DPP10: variants seen among roughly 807,000 people sequenced by gnomAD.
The protein encoded by DPP10 is inactive dipeptidyl peptidase 10.
DPP10 carries 33 observed loss-of-function variants against 120.9 expected under a neutral mutation model. That is an observed-to-expected ratio of 0.27 (90% CI 0.21 to 0.37). The LOEUF is 0.37. DPP10 is among the 10% of genes least tolerant of loss of function. The probability of loss-of-function intolerance (pLI) is 1.00; values close to 1 mark genes in which losing one functional copy is unlikely to be tolerated. For missense variants in DPP10, 816 were observed against 942.8 expected, an observed-to-expected ratio of 0.87 and a Z score of 1.76; for synonymous variants, 337 against 326.1, an observed-to-expected ratio of 1.03 and a Z score of -0.36.
chr2:115,753,445 T>A (rs991980700), intron 11 of DPP10, 148 bp downstream of exon 11: 1 of 690,130 alleles, frequency 1.4e-6, no homozygotes, highest in African/African-American at 1.8e-5. Context: ...TAAGAATATA[T>A]ACTTTAATTT....
chr2:115,761,488 A>G (rs899329130), intron 11 of DPP10, among the ~76,000 whole-genome samples: 1 of 152,176 alleles, frequency 6.6e-6, no homozygotes, highest in Non-Finnish European at 1.5e-5. Context: ...TAATTGAAAT[A>G]ATGAGACAAA....
At chr2:115,245,689 A>G (rs940412436) in intron 1 of DPP10, among the ~76,000 whole-genome samples, 1 of 152,138 alleles carries the variant, frequency 6.6e-6, no homozygotes, top group Non-Finnish European at 1.5e-5. Flanking sequence ...ATGCATGTTT[A>G]TACCATTGCT....
intron 5 of DPP10, among the ~76,000 whole-genome samples, chr2:115,540,082 A>C (rs1021741809): frequency 6.6e-6 from 1 of 151,920 alleles, no homozygotes; most frequent in Admixed American, 6.6e-5. Context: ...AGGAAAGAAG[A>C]AATGTAGAAT....
chr2:114,602,399 A>G (rs1047868191), intron 1 of DPP10, among the ~76,000 whole-genome samples: 1 of 151,872 alleles, frequency 6.6e-6, no homozygotes, highest in African/African-American at 2.4e-5. Flanking sequence ...CTTAGAAACT[A>G]AGCTCTTTCC....
chr2:115,722,962 G>C (rs191088664), intron 7 of DPP10, among the ~76,000 whole-genome samples: 1 of 152,126 alleles, frequency 6.6e-6, no homozygotes, highest in Non-Finnish European at 1.5e-5. Context: ...AGGACCCCGG[G>C]CTTACACTCC....
chr2:114,882,251 C>A (rs992677607), intron 1 of DPP10, among the ~76,000 whole-genome samples: 10 of 151,830 alleles, frequency 6.6e-5, no homozygotes, highest in African/African-American at 1.7e-4. Flanking sequence ...AATATGGAAC[C>A]AAATTGAATG....
intron 1 of DPP10, among the ~76,000 whole-genome samples, chr2:115,082,741 A>G (rs561167882): frequency 2.6e-5 from 4 of 152,310 alleles, no homozygotes; most frequent in East Asian, 1.9e-4. Flanking sequence ...CTACAGATGC[A>G]TGAGCAATCT....
intron 1 of DPP10, among the ~76,000 whole-genome samples, chr2:115,075,760 C>T (rs1422388275): frequency 5.3e-5 from 8 of 150,962 alleles, no homozygotes; most frequent in Non-Finnish European, 1.5e-5. Flanking sequence ...TGAGAAAACA[C>T]CTGCTTTTTA....
At chr2:114,499,233 G>A (rs533415930) in intron 1 of DPP10, among the ~76,000 whole-genome samples, 2 of 152,110 alleles carry the variant, frequency 1.3e-5, no homozygotes, top group Non-Finnish European at 2.9e-5. Context: ...GCTTAGATAT[G>A]AGACACCAGG....
At chr2:115,712,330 C>T (rs1190548225) in intron 7 of DPP10, among the ~76,000 whole-genome samples, 1 of 150,372 alleles carries the variant, frequency 6.7e-6, no homozygotes, top group South Asian at 2.1e-4. Context: ...TGACAGGAGG[C>T]GGAGCTCAAG....
At chr2:115,000,366 C>T (rs2104995842) in intron 1 of DPP10, among the ~76,000 whole-genome samples, 1 of 152,156 alleles carries the variant, frequency 6.6e-6, no homozygotes, top group East Asian at 1.9e-4. Flanking sequence ...AAATTCTTAC[C>T]ACTGATATTT....
intron 1 of DPP10, among the ~76,000 whole-genome samples, chr2:115,129,476 C>A (rs1322645312): frequency 6.6e-6 from 1 of 151,936 alleles, no homozygotes; most frequent in Non-Finnish European, 1.5e-5. Flanking sequence ...ATTATGATTC[C>A]CTTAAGTTTC....
intron 2 of DPP10, chr2:115,342,232 C>T: frequency 2.3e-6 from 1 of 436,496 alleles, no homozygotes; most frequent in South Asian, 1.6e-5. Context: ...AAGGTCTCAC[C>T]CTGTCACCCA....
chr2:114,948,843 C>A (rs1697560367), intron 1 of DPP10, among the ~76,000 whole-genome samples: 1 of 151,966 alleles, frequency 6.6e-6, no homozygotes, highest in Non-Finnish European at 1.5e-5. Context: ...AACTTACATT[C>A]GTGGTTAAAA....
chr2:115,159,217 G>A (rs2052118190), intron 1 of DPP10, among the ~76,000 whole-genome samples: 1 of 152,222 alleles, frequency 6.6e-6, no homozygotes, highest in South Asian at 2.1e-4. Context: ...CCAGCACTCT[G>A]GGAGGCCGGG....
intron 3 of DPP10, among the ~76,000 whole-genome samples, chr2:115,348,966 G>A (rs2063853682): frequency 6.6e-6 from 1 of 152,094 alleles, no homozygotes; most frequent in Non-Finnish European, 1.5e-5. Flanking sequence ...CCAACTGGCT[G>A]TAGTAAGATA....
intron 5 of DPP10, among the ~76,000 whole-genome samples, chr2:115,684,413 T>C (rs1393663261): frequency 6.6e-6 from 1 of 151,828 alleles, no homozygotes; most frequent in African/African-American, 2.4e-5. Context: ...CTTGGCATCA[T>C]TGTATTACTG....
chr2:115,815,793 C>T, intron 21 of DPP10, 64 bp downstream of exon 21: 1 of 1,485,214 alleles, frequency 6.7e-7, no homozygotes, highest in Non-Finnish European at 9.2e-7. Flanking sequence ...TATCCTATTA[C>T]ACATTCACAG....
At chr2:115,140,445 C>A (rs2050867859) in intron 1 of DPP10, among the ~76,000 whole-genome samples, 1 of 152,170 alleles carries the variant, frequency 6.6e-6, no homozygotes, top group Non-Finnish European at 1.5e-5. Context: ...TCAATCAGAA[C>A]CTTTTGGCCG....
Sources: allele counts gnomAD v4.1 joint callset (sites outside exome capture counted in the v4.1 genomes callset), GRCh38; gene constraint gnomAD v4.1.1; transcripts MANE v1.5; gene names NCBI Gene and HGNC (gene_info 2026-07-23, HGNC 2026-07-21).